Variants in PSMD1 observed in about 807,000 individuals in gnomAD.
PSMD1 encodes 26S proteasome non-ATPase regulatory subunit 1.
Under a neutral mutation model 119.0 loss-of-function variants are expected in PSMD1, and 18 were observed. That is an observed-to-expected ratio of 0.15 (90% confidence interval 0.10 to 0.22). PSMD1 has a LOEUF of 0.22. Ranked by LOEUF, PSMD1 falls within the 10% of genes least tolerant of loss-of-function variation. The pLI is 1.00. For synonymous variants in PSMD1, 374 were observed against 396.6 expected (o/e 0.94, Z 0.68); for missense variants, 702 against 1,158.5 (o/e 0.61, Z 5.72).
intron 16 of PSMD1, among the ~76,000 whole-genome samples, chr2:231,130,687 G>T (rs189948289): frequency 6.6e-6 from 1 of 152,048 alleles, no homozygotes; most frequent in African/African-American, 2.4e-5. Context: ...TGAACTCCAG[G>T]GTTCATGCAA....
chr2:231,091,933 G>A (rs1228868234), intron 16 of PSMD1, among the ~76,000 whole-genome samples: 1 of 152,120 alleles, frequency 6.6e-6, no homozygotes, highest in East Asian at 1.9e-4. Context: ...CTGCTCCCCT[G>A]TATATTCTAA....
intron 7 of PSMD1, among the ~76,000 whole-genome samples, chr2:231,074,982 C>CT (rs895368294): frequency 6.6e-6 from 1 of 152,192 alleles, no homozygotes; most frequent in African/African-American, 2.4e-5. Flanking sequence ...GCACGCACCA[C>CT]TATACCTAGT....
chr2:231,161,392 GC>G lies in PSMD1; in HGVS notation c.2273del (p.Pro758LeufsTer38). Reference protein sequence around the residue: ...LQSRTGHTHMPSVVGVLVFTQ... With the variant: ...LQSRTGHTHMXSVVGVLVFTQ... ...AGTCCAGGACTGGGCATACTCATAT[GC>G]CTTCTGTGGTTGGCGTCCTTGTATT... On this transcript the variant is annotated frameshift_variant, in exon 20 of 25. Coordinates refer to ENST00000308696, the MANE Select transcript of PSMD1 (RefSeq NM_002807.4). LOFTEE classifies it high-confidence loss of function. 6.2e-7 allele frequency: 1 copy of G among 1,613,864 alleles called. No homozygotes were observed. Among genetic ancestry groups the G allele is most frequent in the Non-Finnish European group, 8.5e-7 (1 of 1,179,802 alleles).
intron 8 of PSMD1, 111 bp from the exon 9 acceptor site, chr2:231,076,923 C>T (rs1308550065): frequency 2.1e-6 from 2 of 939,236 alleles, no homozygotes; most frequent in African/African-American, 3.5e-5. Flanking sequence ...TATCCTTTCT[C>T]TTAAAATGGA....
At chr2:231,116,227 A>G (rs891419596) in intron 16 of PSMD1, among the ~76,000 whole-genome samples, 17 of 152,184 alleles carry the variant, frequency 1.1e-4, no homozygotes, top group Non-Finnish European at 1.9e-4. Context: ...GAAAAGAATC[A>G]TTTTAGAGTT....
intron 9 of PSMD1, among the ~76,000 whole-genome samples, 160 bp from the exon 10 acceptor site, chr2:231,078,499 T>A (rs2125168120): frequency 6.6e-6 from 1 of 152,318 alleles, no homozygotes; most frequent in East Asian, 1.9e-4. Context: ...AAACTAGCTA[T>A]TTAGTCTTTA....
chr2:231,096,358 C>T (rs1252891638), intron 16 of PSMD1, among the ~76,000 whole-genome samples: 2 of 152,054 alleles, frequency 1.3e-5, no homozygotes, highest in African/African-American at 2.4e-5. Flanking sequence ...GAGATGGAGT[C>T]GGTAAGGTAG....
intron 4 of PSMD1, among the ~76,000 whole-genome samples, chr2:231,063,742 C>A (rs1477179136): frequency 2.6e-5 from 4 of 152,168 alleles, no homozygotes; most frequent in African/African-American, 9.7e-5. Context: ...AAAGGATGGA[C>A]CGTATTATTT....
In PSMD1 at chr2:231,109,198, T is replaced by A. The variant is rs752848927; in HGVS notation, c.1883+22017T>A. ...CAGTCAACCATGTTAGGCGTTGAGG[T>A]GGCTTGTTTTTGACTAAGTAAGCCT... On this transcript the variant is annotated intron_variant, in intron 16 of 24. Transcript: ENST00000308696. The A allele has an allele frequency of 2.5e-6, 4 of 1,614,068 alleles. No individual in the cohort carries two copies. In the African/African-American group the frequency reaches 5.3e-5, roughly 22 times the overall value.
intron 16 of PSMD1, among the ~76,000 whole-genome samples, chr2:231,116,349 G>C (rs569747276): frequency 9.3e-4 from 142 of 152,222 alleles, no homozygotes; most frequent in African/African-American, 3.2e-3. Context: ...CAGAGATATT[G>C]ATTGCAGTTA....
At chr2:231,115,145 A>C (rs545939994) in intron 16 of PSMD1, among the ~76,000 whole-genome samples, 1 of 152,270 alleles carries the variant, frequency 6.6e-6, no homozygotes, top group African/African-American at 2.4e-5. Flanking sequence ...TTAACTGTTT[A>C]AAATTTAAGG....
At chr2:231,058,751 A>G (rs1693678295) in intron 1 of PSMD1, among the ~76,000 whole-genome samples, 1 of 151,718 alleles carries the variant, frequency 6.6e-6, no homozygotes, top group South Asian at 2.1e-4. Context: ...TGTTCCTTGG[A>G]TATGTCAGTT....
At chr2:231,146,062 G>A (rs188652156) in intron 17 of PSMD1, among the ~76,000 whole-genome samples, 178 bp from the exon 18 acceptor site, 184 of 152,168 alleles carry the variant, frequency 1.2e-3, no homozygotes, top group Admixed American at 3.5e-3. Context: ...CACAGGGCCA[G>A]TATCATCAAT....
At chr2:231,171,141 G>A (rs1696901852) in intron 24 of PSMD1, among the ~76,000 whole-genome samples, 1 of 152,200 alleles carries the variant, frequency 6.6e-6, no homozygotes, top group African/African-American at 2.4e-5. Context: ...ACTGGCACTG[G>A]CCCATAGGTG....
intron 16 of PSMD1, among the ~76,000 whole-genome samples, chr2:231,137,242 C>T (rs1200632351): frequency 6.6e-6 from 1 of 151,670 alleles, no homozygotes; most frequent in South Asian, 2.1e-4. Flanking sequence ...TTCAGCCTCC[C>T]GAGTAGCAAG....
chr2:231,132,783 C>A (rs1259183098), intron 16 of PSMD1, among the ~76,000 whole-genome samples: 1 of 152,140 alleles, frequency 6.6e-6, no homozygotes, highest in Non-Finnish European at 1.5e-5. Flanking sequence ...GAAGAGAGGT[C>A]AAGAAAAGAG....
chr2:231,153,770 A>C (rs1351905430), intron 19 of PSMD1, 104 bp downstream of exon 19: 1 of 820,616 alleles, frequency 1.2e-6, no homozygotes, highest in African/African-American at 1.7e-5. Context: ...TCTGAGGCAA[A>C]TTATTCCTGG....
chr2:231,154,204 G>T (rs1696434042), intron 19 of PSMD1, among the ~76,000 whole-genome samples: 1 of 152,146 alleles, frequency 6.6e-6, no homozygotes, highest in South Asian at 2.1e-4. Context: ...GGCCAAGGCA[G>T]GTGGATCACC....
chr2:231,141,127 G>T (rs375803499), intron 17 of PSMD1, among the ~76,000 whole-genome samples: 1 of 152,282 alleles, frequency 6.6e-6, no homozygotes, highest in African/African-American at 2.4e-5. Context: ...GCCTAACATG[G>T]CAAGAGCCTG....
Sources: allele counts gnomAD v4.1 joint callset (sites outside exome capture counted in the v4.1 genomes callset), GRCh38; gene constraint gnomAD v4.1.1; transcripts MANE v1.5; gene names NCBI Gene and HGNC (gene_info 2026-07-23, HGNC 2026-07-21).